MSRB3: variants seen among roughly 807,000 people sequenced by gnomAD.
MSRB3 encodes the protein methionine sulfoxide reductase B3.
Under a neutral mutation model 21.0 loss-of-function variants are expected in MSRB3, and 13 were observed. The observed-to-expected ratio is 0.62, with a 90% confidence interval of 0.40 to 0.98. The LOEUF (loss-of-function observed/expected upper bound fraction) is 0.98. Among genes scored for constraint, MSRB3 ranks in the 50% least tolerant of loss-of-function variants. The probability of loss-of-function intolerance (pLI) is 0.00; values close to 1 mark genes in which losing one functional copy is unlikely to be tolerated. For missense variants in MSRB3, 199 were observed against 230.3 expected, an observed-to-expected ratio of 0.86 and a Z score of 0.88; for synonymous variants, 87 against 88.6, an observed-to-expected ratio of 0.98 and a Z score of 0.10.
At chr12:65,407,389 T>C (rs113485999) in intron 5 of MSRB3, among the ~76,000 whole-genome samples, 142 of 152,232 alleles carry the variant, frequency 9.3e-4, no homozygotes, top group African/African-American at 3.2e-3. Flanking sequence ...CTCTCTTCAT[T>C]GTATGGTTTT....
At chr12:65,370,552 C>T (rs1213245526) in intron 5 of MSRB3, among the ~76,000 whole-genome samples, 1 of 152,116 alleles carries the variant, frequency 6.6e-6, no homozygotes, top group African/African-American at 2.4e-5. Flanking sequence ...AAGTAGTTTA[C>T]AAAACTGAAA....
At chr12:65,387,239 A>C (rs1879239371) in intron 5 of MSRB3, among the ~76,000 whole-genome samples, 1 of 152,136 alleles carries the variant, frequency 6.6e-6, no homozygotes, top group Non-Finnish European at 1.5e-5. Context: ...GAGTCTACAC[A>C]TTTTTATGAC....
At chr12:65,402,993 G>T (rs907183686) in intron 5 of MSRB3, among the ~76,000 whole-genome samples, 5 of 152,176 alleles carry the variant, frequency 3.3e-5, no homozygotes, top group African/African-American at 1.2e-4. Context: ...TCCCAGAGGG[G>T]CACTCGCCAG....
chr12:65,439,333 A>G (rs1236478229), intron 5 of MSRB3, among the ~76,000 whole-genome samples: 2 of 151,834 alleles, frequency 1.3e-5, no homozygotes, highest in African/African-American at 4.8e-5. Context: ...ATACATAGTT[A>G]CGGTGGATAA....
intron 5 of MSRB3, among the ~76,000 whole-genome samples, chr12:65,406,244 T>G (rs1366174836): frequency 6.6e-6 from 1 of 152,230 alleles, no homozygotes; most frequent in African/African-American, 2.4e-5. Flanking sequence ...AGTTAGTTTT[T>G]GCATATGGTG....
At chr12:65,297,301 G>A (rs1466649895) in intron 1 of MSRB3, among the ~76,000 whole-genome samples, 1 of 152,078 alleles carries the variant, frequency 6.6e-6, no homozygotes, top group Non-Finnish European at 1.5e-5. Flanking sequence ...GGATTGATAG[G>A]TGCAGCAAAC....
chr12:65,417,057 A>G (rs1881019583), intron 5 of MSRB3, among the ~76,000 whole-genome samples: 1 of 152,198 alleles, frequency 6.6e-6, no homozygotes, highest in South Asian at 2.1e-4. Context: ...CCTTTTTAAT[A>G]GATTCTAGTT....
At chr12:65,394,047 T>G (rs1433612270) in intron 5 of MSRB3, among the ~76,000 whole-genome samples, 1 of 152,126 alleles carries the variant, frequency 6.6e-6, no homozygotes, top group Non-Finnish European at 1.5e-5. Context: ...ATATGTAGAC[T>G]GGTGGAAAGA....
intron 5 of MSRB3, among the ~76,000 whole-genome samples, chr12:65,432,739 G>A (rs1296963049): frequency 6.6e-6 from 1 of 151,904 alleles, no homozygotes; most frequent in African/African-American, 2.4e-5. Context: ...AGAAGCAGTG[G>A]TTCAAGCCTG....
Position 65,457,914 on chromosome 12 carries a change from T to G in MSRB3, c.390+4089T>G, listed in dbSNP as rs182294712. On this transcript the variant is annotated intron_variant, in intron 6 of 6. Transcript: ENST00000308259. ...AGATAATGTGGGAAACTATTCTGGT[T>G]TGCTCTCTTTCTAAAATTCTTGTTG... Among the ~76,000 whole-genome samples, 167 of 152,304 alleles carry G rather than the reference T, an allele frequency of 1.1e-3. 2 individuals are homozygous for G. Among genetic ancestry groups the G allele is most frequent in the Admixed American group, 2.8e-3 (43 of 15,294 alleles).
At chr12:65,307,048 G>C in intron 1 of MSRB3, 4 of 985,450 alleles carry the variant, frequency 4.1e-6, no homozygotes, top group Non-Finnish European at 4.8e-6. Flanking sequence ...TACTGTGTGT[G>C]CTTTATTCCT....
intron 5 of MSRB3, among the ~76,000 whole-genome samples, chr12:65,429,207 A>C (rs546765937): frequency 6.6e-6 from 1 of 152,292 alleles, no homozygotes; most frequent in South Asian, 2.1e-4. Flanking sequence ...GAAAGGATCT[A>C]TTTAACCCTT....
intron 5 of MSRB3, among the ~76,000 whole-genome samples, chr12:65,420,685 G>A (rs1165366201): frequency 6.6e-6 from 1 of 152,006 alleles, no homozygotes; most frequent in African/African-American, 2.4e-5. Context: ...GTGTTCTTGT[G>A]TTCTCATCAT....
intron 2 of MSRB3, among the ~76,000 whole-genome samples, chr12:65,313,386 C>T (rs1395904883): frequency 5.9e-5 from 9 of 152,102 alleles, no homozygotes; most frequent in Admixed American, 1.3e-4. Context: ...TTACTGAATG[C>T]ATTGACTTTC....
chr12:65,393,630 C>CAAAAAA (rs59417371), intron 5 of MSRB3, among the ~76,000 whole-genome samples: 1 of 90,660 alleles, frequency 1.1e-5, no homozygotes, highest in East Asian at 3.0e-4. Context: ...GACTCCGTCG[C>CAAAAAA]AAAAAAAAAA....
chr12:65,301,505 A>T (rs1177433339), intron 1 of MSRB3, among the ~76,000 whole-genome samples: 1 of 152,222 alleles, frequency 6.6e-6, no homozygotes, highest in African/African-American at 2.4e-5. Context: ...TGATGATATT[A>T]ATGAGTATGG....
intron 6 of MSRB3, among the ~76,000 whole-genome samples, chr12:65,458,651 T>C (rs1565901378): frequency 1.3e-5 from 2 of 152,190 alleles, no homozygotes. Flanking sequence ...TCTGTTGCAA[T>C]TTTACTTGTT....
chr12:65,297,179 T>G (rs932485076), intron 1 of MSRB3, among the ~76,000 whole-genome samples: 11 of 151,220 alleles, frequency 7.3e-5, no homozygotes, highest in Admixed American at 2.6e-4. Flanking sequence ...TGAGAACACA[T>G]GGACACAGGG....
chr12:65,333,937 G>A (rs537529591), intron 4 of MSRB3, among the ~76,000 whole-genome samples: 11 of 152,284 alleles, frequency 7.2e-5, no homozygotes, highest in African/African-American at 2.6e-4. Context: ...TGAGGTAATA[G>A]CGTGATGAAA....
Sources: allele counts gnomAD v4.1 joint callset (sites outside exome capture counted in the v4.1 genomes callset), GRCh38; gene constraint gnomAD v4.1.1; transcripts MANE v1.5; gene names NCBI Gene and HGNC (gene_info 2026-07-23, HGNC 2026-07-21).